PDE8B: variants seen among roughly 807,000 people sequenced by gnomAD.
The protein encoded by PDE8B is high affinity cAMP-specific and IBMX-insensitive 3',5'-cyclic phosphodiesterase 8B.
A neutral mutation model predicts 101.3 loss-of-function variants in PDE8B; 26 were observed. The ratio of observed to expected loss-of-function variants is 0.26; its 90% CI spans 0.19 to 0.36. The LOEUF (loss-of-function observed/expected upper bound fraction) is 0.36. PDE8B is among the 10% of genes least tolerant of loss of function. The pLI, the probability that PDE8B is intolerant of heterozygous loss-of-function variation, is 1.00. For synonymous variants in PDE8B, 424 were observed against 429.3 expected (o/e 0.99, Z 0.15); for missense variants, 810 against 1,163.1 (o/e 0.70, Z 4.42).
At chr5:77,172,253 G>A in the PDE8B span, among the ~76,000 whole-genome samples, 1 of 152,164 alleles carries the variant, frequency 6.6e-6, no homozygotes, top group Non-Finnish European at 1.5e-5. Flanking sequence ...TCAGTGGCCA[G>A]CACTGTGCCT....
intron 10 of PDE8B, among the ~76,000 whole-genome samples, chr5:77,357,264 A>G (rs1237833574): frequency 6.6e-6 from 1 of 152,190 alleles, no homozygotes; most frequent in African/African-American, 2.4e-5. Flanking sequence ...GCCAGTGGAC[A>G]GTTAGGCACA....
intron 1 of PDE8B, among the ~76,000 whole-genome samples, chr5:77,271,921 G>A (rs1357998404): frequency 6.6e-6 from 1 of 152,218 alleles, no homozygotes; most frequent in Non-Finnish European, 1.5e-5. Flanking sequence ...TGCAGAATCT[G>A]CTCTACCAGA....
chr5:77,231,349 T>C (rs1753522172), intron 1 of PDE8B, among the ~76,000 whole-genome samples: 1 of 152,208 alleles, frequency 6.6e-6, no homozygotes, highest in Non-Finnish European at 1.5e-5. Context: ...CAGTTCTTTT[T>C]GCTTTTTACT....
intron 1 of PDE8B, among the ~76,000 whole-genome samples, chr5:77,264,902 C>G (rs1439871509): frequency 6.6e-6 from 1 of 152,134 alleles, no homozygotes; most frequent in Admixed American, 6.5e-5. Context: ...AAATTTGTAG[C>G]AGGTAATTTA....
At chr5:77,237,338 T>C (rs1754893759) in intron 1 of PDE8B, among the ~76,000 whole-genome samples, 1 of 152,190 alleles carries the variant, frequency 6.6e-6, no homozygotes, top group African/African-American at 2.4e-5. Flanking sequence ...CTTTTTCTGG[T>C]TTATTCAAAC....
chr5:77,273,541 A>G (rs1223692028), intron 1 of PDE8B, among the ~76,000 whole-genome samples: 2 of 152,184 alleles, frequency 1.3e-5, no homozygotes, highest in African/African-American at 2.4e-5. Context: ...TTTAAACACA[A>G]CAATGTGAGA....
At chr5:77,135,796 G>A in the PDE8B span, among the ~76,000 whole-genome samples, 1 of 151,090 alleles carries the variant, frequency 6.6e-6, no homozygotes, top group Non-Finnish European at 1.5e-5. Flanking sequence ...TTTTTTAATA[G>A]AGACAGGATC....
chr5:77,416,735 C>T (rs1216621164), intron 17 of PDE8B, among the ~76,000 whole-genome samples: 1 of 152,136 alleles, frequency 6.6e-6, no homozygotes, highest in African/African-American at 2.4e-5. Context: ...AGCCCCTTGG[C>T]CATCAGGGTG....
chr5:77,310,360 C>T (rs1772317074), intron 1 of PDE8B, among the ~76,000 whole-genome samples: 1 of 152,242 alleles, frequency 6.6e-6, no homozygotes, highest in Non-Finnish European at 1.5e-5. Flanking sequence ...GAAGGGCTGG[C>T]AGCCCAGTGA....
chr5:77,193,377 T>C, the PDE8B span, among the ~76,000 whole-genome samples: 1 of 152,178 alleles, frequency 6.6e-6, no homozygotes, highest in Non-Finnish European at 1.5e-5. Flanking sequence ...TTTTTGCTTG[T>C]TTTGTTTATG....
chr5:77,151,609 C>T, the PDE8B span, among the ~76,000 whole-genome samples: 3,621 of 152,250 alleles, frequency 0.024, 143 homozygotes, highest in African/African-American at 0.082. Context: ...TTTAAATCTA[C>T]AATATGCTTT....
intron 1 of PDE8B, chr5:77,213,893 A>G (rs1749063212): frequency 1.3e-5 from 2 of 151,962 alleles, no homozygotes; most frequent in African/African-American, 4.9e-5. Flanking sequence ...TGATGTCAAC[A>G]GGAACCTTCC....
chr5:77,349,369 A>T, intron 7 of PDE8B, 50 bp from the exon 8 acceptor site: 1 of 1,611,074 alleles, frequency 6.2e-7, no homozygotes, highest in Non-Finnish European at 8.5e-7. Flanking sequence ...ACATTTCATG[A>T]ATTCTGTCTT....
chr5:77,261,994 A>G (rs1025802435), intron 1 of PDE8B, among the ~76,000 whole-genome samples: 1 of 152,220 alleles, frequency 6.6e-6, no homozygotes, highest in Non-Finnish European at 1.5e-5. Context: ...CCAGGGTAAA[A>G]TAAATTGGGC....
intron 5 of PDE8B, among the ~76,000 whole-genome samples, chr5:77,336,251 G>C (rs1457968804): frequency 6.6e-6 from 1 of 152,102 alleles, no homozygotes; most frequent in African/African-American, 2.4e-5. Flanking sequence ...GAACAATTCA[G>C]TGACACTTAG....
the PDE8B span, among the ~76,000 whole-genome samples, chr5:77,204,175 T>A: frequency 9.9e-5 from 15 of 150,784 alleles, no homozygotes; most frequent in East Asian, 3.0e-3. Flanking sequence ...TTTAGGAGGC[T>A]GAGGCAGGCA....
intron 1 of PDE8B, among the ~76,000 whole-genome samples, chr5:77,263,045 C>T (rs1283133718): frequency 6.6e-6 from 1 of 152,176 alleles, no homozygotes; most frequent in East Asian, 1.9e-4. Context: ...CATAGAAATA[C>T]ACTGAATGTT....
intron 10 of PDE8B, among the ~76,000 whole-genome samples, chr5:77,396,568 TGACCACGTGGC>T (rs1270152106): frequency 1.3e-5 from 2 of 152,208 alleles, no homozygotes; most frequent in African/African-American, 4.8e-5. Flanking sequence ...ATACCATAGG[TGACCACGTGGC>T]CGCCCAGGAA....
chr5:77,291,041 G>T (rs1767211864), intron 1 of PDE8B: 25 of 1,611,784 alleles, frequency 1.6e-5, no homozygotes, highest in Non-Finnish European at 2.0e-5. Context: ...CCCTGATGGT[G>T]CAGGAGAGGT....
Sources: gnomAD v4.1 joint callset for allele counts (sites outside exome capture counted in the v4.1 genomes callset) on GRCh38, gnomAD v4.1.1 for gene constraint, MANE v1.5 for transcripts, NCBI Gene and HGNC (gene_info 2026-07-23, HGNC 2026-07-21) for gene names.